Variants in ZNF227 observed in about 807,000 individuals in gnomAD.
The protein encoded by ZNF227 is zinc finger protein 227.
A neutral mutation model predicts 13.2 loss-of-function variants in ZNF227; 12 were observed. The observed-to-expected ratio is 0.91, with a 90% confidence interval of 0.58 to 1.47. The LOEUF (loss-of-function observed/expected upper bound fraction) is 1.47. Among genes scored for constraint, ZNF227 ranks in the 40% most tolerant of loss-of-function variants. The probability of loss-of-function intolerance (pLI) is 0.00; values close to 1 mark genes in which losing one functional copy is unlikely to be tolerated. For missense variants in ZNF227, 885 were observed against 967.5 expected, an observed-to-expected ratio of 0.91 and a Z score of 1.13; for synonymous variants, 338 against 326.0, an observed-to-expected ratio of 1.04 and a Z score of -0.40.
chr19:44,223,241 T>A (rs898273766), intron 3 of ZNF227, among the ~76,000 whole-genome samples: 4 of 152,228 alleles, frequency 2.6e-5, no homozygotes, highest in Non-Finnish European at 5.9e-5. Context: ...TGGTTGTGTC[T>A]CTGCCTGGCT....
intron 3 of ZNF227, among the ~76,000 whole-genome samples, chr19:44,222,208 CT>C (rs1178015209): frequency 6.6e-6 from 1 of 152,044 alleles, no homozygotes; most frequent in African/African-American, 2.4e-5. Context: ...ATGCCTCCAG[CT>C]TTGTTCTTTT....
At chr19:44,234,510 G>C (rs1974195276) in intron 5 of ZNF227, among the ~76,000 whole-genome samples, 192 bp from the exon 6 acceptor site, 1 of 152,176 alleles carries the variant, frequency 6.6e-6, no homozygotes, top group Non-Finnish European at 1.5e-5. Flanking sequence ...ATGGGAGCCT[G>C]TTGACCCCAC....
At position 44,235,890 on chromosome 19, in the gene ZNF227, C is replaced by T. The variant is rs150352110; in HGVS notation, c.1460C>T (p.Thr487Met). 31 of 1,613,726 alleles carry T rather than the reference C, an allele frequency of 1.9e-5. No homozygotes were observed. The highest frequency in any genetic ancestry group is 2.2e-5 in the Non-Finnish European group (26 of 1,179,976). The change falls in exon 6 of 6, where the codon ACG (threonine) becomes ATG (methionine). Residue 487 changes from threonine to methionine, a missense_variant. Coordinates refer to ENST00000313040, the MANE Select transcript of ZNF227 (RefSeq NM_182490.3). Reference protein sequence around the residue: ...TDLHIHFRVHTGEKPYKCKEC... With the variant: ...TDLHIHFRVHMGEKPYKCKEC... Reference sequence around the variant, plus strand: ...CTGCATATTCATTTCAGAGTTCACACGGGAGAGAAACCCTATAAATGTAAG... The same window carrying T: ...CTGCATATTCATTTCAGAGTTCACATGGGAGAGAAACCCTATAAATGTAAG...
chr19:44,213,362 G>A (rs1971525663), intron 2 of ZNF227, 118 bp downstream of exon 2: 1 of 152,210 alleles, frequency 6.6e-6, no homozygotes, highest in Non-Finnish European at 1.5e-5. Flanking sequence ...ATAAATGTGA[G>A]AGTGGGTAGG....
intron 5 of ZNF227, among the ~76,000 whole-genome samples, chr19:44,234,060 A>AT (rs1413065672): frequency 1.3e-5 from 2 of 152,172 alleles, no homozygotes. Context: ...CAAGCTGAAC[A>AT]TACCTCTCCC....
At chr19:44,227,191 T>C (rs1178230185) in intron 3 of ZNF227, 2 of 152,220 alleles carry the variant, frequency 1.3e-5, no homozygotes, top group African/African-American at 4.8e-5. Flanking sequence ...GTGCTTGACA[T>C]ATATTCATTC....
At chr19:44,228,788 GC>G in intron 4 of ZNF227, 1 of 507,484 alleles carries the variant, frequency 2.0e-6, no homozygotes, top group Non-Finnish European at 3.2e-6. Context: ...GGGTGATTTC[GC>G]CCCCAGAAGA....
intron 5 of ZNF227, among the ~76,000 whole-genome samples, chr19:44,232,359 G>A (rs891212648): frequency 6.6e-6 from 1 of 152,098 alleles, no homozygotes; most frequent in African/African-American, 2.4e-5. Flanking sequence ...TTTATATATC[G>A]CTCTAAGTTT....
rs1488793518 is a variant in ZNF227, at chr19:44,236,644, C to T, written c.2214C>T (p.His738=). The T allele has an allele frequency of 1.1e-5, 17 of 1,613,806 alleles. No individual in the cohort carries two copies. The highest frequency in any genetic ancestry group is 1.4e-5 in the Non-Finnish European group (17 of 1,180,020). ...ATCTTCGAGTCCACCTGGGTGTTCACACCAGGGAAAAACTCTTTAAATGTG... is the reference window on the plus strand; with the variant it reads ...ATCTTCGAGTCCACCTGGGTGTTCATACCAGGGAAAAACTCTTTAAATGTG... ...PSNLRVHLGV[H]TREKLFKCEE... The change falls in exon 6 of 6, where the codon CAC becomes CAT. Residue 738 remains histidine, a synonymous_variant. Coordinates refer to ENST00000313040, the MANE Select transcript of ZNF227 (RefSeq NM_182490.3).
intron 3 of ZNF227, among the ~76,000 whole-genome samples, chr19:44,225,266 G>A (rs1191519938): frequency 6.6e-6 from 1 of 151,824 alleles, no homozygotes; most frequent in African/African-American, 2.4e-5. Flanking sequence ...TCTTCTCGAG[G>A]AGTATCTTTG....
In ZNF227 at chr19:44,229,835, A is replaced by C. The variant is rs761283617; in HGVS notation, c.271+19A>C. 2.4e-4 allele frequency: 362 copies of C among 1,517,304 alleles called. No individual in the cohort carries two copies. The highest frequency in any genetic ancestry group is 3.1e-4 in the Non-Finnish European group (350 of 1,119,666). 94.0% of individuals were successfully genotyped at this position (1,517,304 alleles called of 1,614,324 possible). A position where few individuals can be genotyped will look rare whatever the true frequency, so the allele number is the denominator to read the frequency against. On this transcript the variant is annotated intron_variant, in intron 5 of 5. Coordinates refer to ENST00000313040, the MANE Select transcript of ZNF227 (RefSeq NM_182490.3). ...CAAAGAAGTAGGTATTCTGGTGAGA[A>C]CCCTGTGTCTGTTCTTTCAGGTACT...
chr19:44,231,560 T>C (rs572038252), intron 5 of ZNF227, among the ~76,000 whole-genome samples: 90 of 152,280 alleles, frequency 5.9e-4, no homozygotes, highest in African/African-American at 2.0e-3. Context: ...CTCGAACTCC[T>C]GAGATCGTGG....
At chr19:44,216,718 C>G (rs549653817) in intron 2 of ZNF227, among the ~76,000 whole-genome samples, 3 of 152,114 alleles carry the variant, frequency 2.0e-5, no homozygotes, top group African/African-American at 7.2e-5. Flanking sequence ...GTGTTTTTCT[C>G]TGTGCACATA....
intron 3 of ZNF227, among the ~76,000 whole-genome samples, chr19:44,219,498 TAAAGA>T (rs770867022): frequency 2.6e-5 from 4 of 152,100 alleles, no homozygotes; most frequent in East Asian, 1.9e-4. Flanking sequence ...AGGAGTGTCA[TAAAGA>T]AAAGAAATTT....
chr19:44,226,088 G>C (rs1446259037), intron 3 of ZNF227, among the ~76,000 whole-genome samples: 1 of 152,224 alleles, frequency 6.6e-6, no homozygotes, highest in African/African-American at 2.4e-5. Flanking sequence ...GGTGGCTGTA[G>C]AACAGCAGAT....
At chr19:44,234,578 A>G (rs1190854699) in intron 5 of ZNF227, 124 bp from the exon 6 acceptor site, 10 of 864,922 alleles carry the variant, frequency 1.2e-5, no homozygotes, top group Admixed American at 3.0e-5. Flanking sequence ...CTGTAAGGAC[A>G]AGGTCACCTT....
At chr19:44,214,134 A>G (rs899167152) in intron 2 of ZNF227, among the ~76,000 whole-genome samples, 1 of 152,172 alleles carries the variant, frequency 6.6e-6, no homozygotes, top group East Asian at 1.9e-4. Flanking sequence ...AACTTCACCT[A>G]TTTTTGTTTT....
intron 3 of ZNF227, among the ~76,000 whole-genome samples, chr19:44,225,665 T>C (rs922436538): frequency 2.0e-5 from 3 of 152,042 alleles, no homozygotes; most frequent in African/African-American, 4.8e-5. Flanking sequence ...GTTATACATT[T>C]GTCTAAATTT....
upstream of ZNF227, among the ~76,000 whole-genome samples, chr19:44,212,355 T>C (rs972935621): frequency 6.8e-6 from 1 of 146,516 alleles, no homozygotes; most frequent in Non-Finnish European, 1.5e-5. Flanking sequence ...CCTCTCTCAC[T>C]CGCTCGCTCC....
Sources: allele counts gnomAD v4.1 joint callset (sites outside exome capture counted in the v4.1 genomes callset), GRCh38; gene constraint gnomAD v4.1.1; transcripts MANE v1.5; gene names NCBI Gene and HGNC (gene_info 2026-07-23, HGNC 2026-07-21).